The following TRIM5 variants were observed in gnomAD, a reference collection of about 807,000 sequenced individuals.
The protein encoded by TRIM5 is tripartite motif-containing protein 5.
A neutral mutation model predicts 35.6 loss-of-function variants in TRIM5; 31 were observed. The ratio of observed to expected loss-of-function variants is 0.87; its 90% CI spans 0.65 to 1.18. The LOEUF is 1.18. Among genes scored for constraint, TRIM5 ranks in the 50% most tolerant of loss-of-function variants. TRIM5 has a pLI of 0.00. For synonymous variants in TRIM5, 243 were observed against 215.6 expected (o/e 1.13, Z -1.11); for missense variants, 609 against 591.6 (o/e 1.03, Z -0.31).
the TRIM5 span, among the ~76,000 whole-genome samples, chr11:5,655,149 C>T: frequency 8.0e-5 from 12 of 150,026 alleles, no homozygotes; most frequent in South Asian, 6.3e-4. Flanking sequence ...GCAGAGATCA[C>T]GCCATTGCAC....
chr11:5,623,549 T>TG, the TRIM5 span, among the ~76,000 whole-genome samples: 2 of 149,782 alleles, frequency 1.3e-5, no homozygotes, highest in Non-Finnish European at 1.5e-5. Flanking sequence ...TTTTTTTTTT[T>TG]TTTGTAATTT....
chr11:5,683,290 G>A (rs1852674544), intron 1 of TRIM5, among the ~76,000 whole-genome samples: 1 of 152,234 alleles, frequency 6.6e-6, no homozygotes, highest in Non-Finnish European at 1.5e-5. Context: ...GAGTGCAGGT[G>A]CGTGGCATGG....
chr11:5,651,029 T>A, the TRIM5 span, among the ~76,000 whole-genome samples: 1 of 152,128 alleles, frequency 6.6e-6, no homozygotes, highest in Non-Finnish European at 1.5e-5. Context: ...TCCACTCAAA[T>A]CTTACTCTTT....
the TRIM5 span, among the ~76,000 whole-genome samples, chr11:5,636,460 G>A: frequency 6.6e-6 from 1 of 152,178 alleles, no homozygotes; most frequent in East Asian, 1.9e-4. Context: ...GCACTACATC[G>A]TGAATATTTT....
the TRIM5 span, chr11:5,603,637 C>G: frequency 6.2e-7 from 1 of 1,613,390 alleles, no homozygotes. Context: ...GCTCTTCTGT[C>G]AGGAGGATGG....
chr11:5,604,590 G>A, the TRIM5 span: 2 of 1,613,344 alleles, frequency 1.2e-6, no homozygotes, highest in African/African-American at 1.3e-5. Flanking sequence ...AAGCTGAGAA[G>A]CTAACAGCTT....
At chr11:5,611,377 C>T in the TRIM5 span, 5 of 1,450,292 alleles carry the variant, frequency 3.4e-6, no homozygotes, top group Non-Finnish European at 4.8e-6. Flanking sequence ...CTGATAAGTA[C>T]CCTGAGGCTT....
At chr11:5,661,696 T>G (rs549404380), downstream of TRIM5, among the ~76,000 whole-genome samples, 105 of 152,306 alleles carry the variant, frequency 6.9e-4, 1 homozygote, top group South Asian at 0.02. Context: ...AAATCCACAG[T>G]TGACGTCCAT....
At chr11:5,631,307 G>T in the TRIM5 span, among the ~76,000 whole-genome samples, 1 of 152,086 alleles carries the variant, frequency 6.6e-6, no homozygotes, top group Non-Finnish European at 1.5e-5. Flanking sequence ...ACTTCTTTCA[G>T]GCTTTACCTC....
At chr11:5,619,180 C>T in the TRIM5 span, among the ~76,000 whole-genome samples, 1 of 152,192 alleles carries the variant, frequency 6.6e-6, no homozygotes, top group Admixed American at 6.5e-5. Flanking sequence ...TTGACATCTA[C>T]TCTGCATATG....
At chr11:5,682,680 C>T (rs931681944) in intron 1 of TRIM5, among the ~76,000 whole-genome samples, 1 of 152,190 alleles carries the variant, frequency 6.6e-6, no homozygotes, top group Non-Finnish European at 1.5e-5. Flanking sequence ...AGATCATTAA[C>T]ATATCACTAG....
At chr11:5,615,101 G>C in the TRIM5 span, among the ~76,000 whole-genome samples, 27 of 151,910 alleles carry the variant, frequency 1.8e-4, no homozygotes, top group South Asian at 1.7e-3. Flanking sequence ...TTTGTTATTG[G>C]TTTATAATTT....
the TRIM5 span, among the ~76,000 whole-genome samples, chr11:5,654,119 T>A: frequency 2.0e-5 from 3 of 151,976 alleles, no homozygotes; most frequent in African/African-American, 7.2e-5. Context: ...TGAGTTTCCA[T>A]AAAATCATGA....
In TRIM5 at chr11:5,678,301, T is replaced by G. The variant is rs933518311; in HGVS notation, c.647A>C (p.Asn216Thr). 6.2e-6 allele frequency: 10 copies of G among 1,614,048 alleles called. No homozygotes were observed. Among genetic ancestry groups the G allele is most frequent in the Non-Finnish European group, 8.5e-6 (10 of 1,179,946 alleles). The change falls in exon 4 of 8, where the codon AAC becomes ACC. Residue 216 changes from asparagine to threonine, a missense_variant. Transcript: ENST00000380034. ...CTGCTGCACCATCTCAGTTTCAGAGTTCGTAAGGCTTTTCAGAATGTCTTC... is the reference window on the plus strand; with the variant it reads ...CTGCTGCACCATCTCAGTTTCAGAGGTCGTAAGGCTTTTCAGAATGTCTTC... ...EEEDILKSLT[N>T]SETEMVQQTQ...
downstream of TRIM5, among the ~76,000 whole-genome samples, chr11:5,658,366 G>A (rs1477038924): frequency 2.0e-5 from 3 of 152,116 alleles, no homozygotes; most frequent in East Asian, 3.9e-4. Flanking sequence ...CATCCACCTC[G>A]CTGAGAGCTA....
At chr11:5,617,463 T>G in the TRIM5 span, among the ~76,000 whole-genome samples, 6 of 141,186 alleles carry the variant, frequency 4.2e-5, no homozygotes, top group Non-Finnish European at 7.7e-5. Flanking sequence ...CACGTTTCTA[T>G]ACATTATATA....
the TRIM5 span, among the ~76,000 whole-genome samples, chr11:5,651,885 C>T: frequency 5.3e-5 from 8 of 152,274 alleles, no homozygotes; most frequent in Non-Finnish European, 7.3e-5. Context: ...ATTCATTTCT[C>T]TAATGACTAG....
chr11:5,673,143 C>G (rs543133739), intron 4 of TRIM5, among the ~76,000 whole-genome samples: 2 of 151,926 alleles, frequency 1.3e-5, no homozygotes, highest in East Asian at 3.9e-4. Flanking sequence ...GTCAGACAGA[C>G]TGGGTAAAGA....
intron 4 of TRIM5, among the ~76,000 whole-genome samples, chr11:5,673,227 T>C (rs1202802747): frequency 6.6e-6 from 1 of 151,912 alleles, no homozygotes; most frequent in Non-Finnish European, 1.5e-5. Context: ...AAAGTAGAAA[T>C]AAAAATATAT....
Sources: gnomAD v4.1 joint callset for allele counts (sites outside exome capture counted in the v4.1 genomes callset) on GRCh38, gnomAD v4.1.1 for gene constraint, MANE v1.5 for transcripts, NCBI Gene and HGNC (gene_info 2026-07-23, HGNC 2026-07-21) for gene names.